Variants in SLC9A8 observed in about 807,000 individuals in gnomAD.
SLC9A8 encodes sodium/hydrogen exchanger 8.
In SLC9A8, 48 loss-of-function variants were observed where a neutral mutation model predicts 66.6. That is an observed-to-expected ratio of 0.72 (90% CI 0.57 to 0.92). The LOEUF is 0.92. Ranked by LOEUF, SLC9A8 falls within the 40% of genes least tolerant of loss-of-function variation. The probability of loss-of-function intolerance (pLI) is 0.00; values close to 1 mark genes in which losing one functional copy is unlikely to be tolerated. For synonymous variants in SLC9A8, 274 were observed against 282.6 expected, an observed-to-expected ratio of 0.97 and a Z score of 0.31; for missense variants, 599 against 747.3, an observed-to-expected ratio of 0.80 and a Z score of 2.31.
intron 3 of SLC9A8, chr20:49,830,603 G>A: frequency 1.6e-6 from 1 of 613,106 alleles, no homozygotes; most frequent in Admixed American, 2.9e-5. Context: ...GGAATCAGCA[G>A]CTTTCTAATC....
rs2089977230 is a variant in SLC9A8, at chr20:49,888,779, CT to C, written c.*844del. On this transcript the variant is annotated 3_prime_UTR_variant, in exon 16 of 16. Transcript: ENST00000361573. ...AGAGCCTCTAGTCGCCTCCTGCCATCTGATCTCCCTCCCCACCATTCCCGTA... is the reference window on the plus strand; with the variant it reads ...AGAGCCTCTAGTCGCCTCCTGCCATCGATCTCCCTCCCCACCATTCCCGTA... 1 of 152,494 alleles carries C rather than the reference CT, an allele frequency of 6.6e-6. No homozygotes were observed. The allele number at this position is 152,494 out of a possible 1,614,324, so 9.4% of individuals were successfully genotyped here. A position where few individuals can be genotyped will look rare whatever the true frequency, so the allele number is the denominator to read the frequency against.
intron 10 of SLC9A8, among the ~76,000 whole-genome samples, chr20:49,865,071 T>TAACCCGCCTTCTCTC (rs1246637933): frequency 1.3e-5 from 2 of 152,248 alleles, no homozygotes; most frequent in Non-Finnish European, 2.9e-5. Flanking sequence ...CATTTTCTCT[T>TAACCCGCCTTCTCTC]AACCCGCCTT....
At chr20:49,848,980 G>A (rs368394302) in intron 5 of SLC9A8, among the ~76,000 whole-genome samples, 8 of 152,312 alleles carry the variant, frequency 5.3e-5, no homozygotes, top group African/African-American at 1.9e-4. Context: ...ACATAAATAA[G>A]TGCAAAATTG....
intron 3 of SLC9A8, chr20:49,829,309 G>C (rs1402778758): frequency 6.5e-6 from 1 of 154,952 alleles, no homozygotes; most frequent in African/African-American, 2.4e-5. Context: ...CACGAGGTCA[G>C]GAGATTGAGA....
intron 10 of SLC9A8, among the ~76,000 whole-genome samples, chr20:49,870,388 C>T (rs536025264): frequency 2.6e-5 from 4 of 152,330 alleles, no homozygotes; most frequent in Admixed American, 6.5e-5. Flanking sequence ...CTGGAGGTGG[C>T]ACTGGAGCCC....
At chr20:49,855,788 GGA>G (rs2088453909) in intron 8 of SLC9A8, among the ~76,000 whole-genome samples, 1 of 152,036 alleles carries the variant, frequency 6.6e-6, no homozygotes. Flanking sequence ...GGTTAAAAGA[GGA>G]GAGTCCACCT....
At chr20:49,866,140 G>A (rs1197039108) in intron 10 of SLC9A8, among the ~76,000 whole-genome samples, 4 of 152,126 alleles carry the variant, frequency 2.6e-5, no homozygotes, top group Non-Finnish European at 4.4e-5. Flanking sequence ...CCTGAGCCCT[G>A]GCACCCACTG....
At chr20:49,877,209 G>A (rs2089458290) in intron 11 of SLC9A8, among the ~76,000 whole-genome samples, 2 of 151,746 alleles carry the variant, frequency 1.3e-5, no homozygotes, top group African/African-American at 2.4e-5. Context: ...CAGGAGAATT[G>A]CTTGAACCCA....
intron 3 of SLC9A8, among the ~76,000 whole-genome samples, chr20:49,827,931 T>C (rs1465159273): frequency 4.6e-5 from 7 of 152,110 alleles, no homozygotes; most frequent in African/African-American, 1.7e-4. Context: ...TTTAATTCTA[T>C]TCCTTCTTGT....
At chr20:49,824,869 G>A (rs2086860372) in intron 3 of SLC9A8, among the ~76,000 whole-genome samples, 1 of 152,160 alleles carries the variant, frequency 6.6e-6, no homozygotes, top group Non-Finnish European at 1.5e-5. Context: ...GGGTAGGGGC[G>A]GCAAGGCAGT....
intron 14 of SLC9A8, 161 bp downstream of exon 14, chr20:49,884,227 CACACA>C (rs1300934969): frequency 9.2e-6 from 2 of 216,446 alleles, no homozygotes; most frequent in Admixed American, 6.5e-5. Flanking sequence ...CACACACACA[CACACA>C]CACACACACG....
chr20:49,824,321 A>G (rs2086843657), intron 3 of SLC9A8, among the ~76,000 whole-genome samples: 1 of 152,224 alleles, frequency 6.6e-6, no homozygotes, highest in Non-Finnish European at 1.5e-5. Context: ...GTAGATTCTA[A>G]CAACCTTAGC....
At chr20:49,849,779 G>A (rs1049932854) in intron 6 of SLC9A8, 99 bp downstream of exon 6, 1 of 917,000 alleles carries the variant, frequency 1.1e-6, no homozygotes, top group Non-Finnish European at 1.8e-6. Flanking sequence ...TGGGGCCTGG[G>A]TTTCACCCTT....
rs2090040578 is a variant in SLC9A8 at position 49,891,402 on chromosome 20, G to C, written c.*3466G>C. ...TTCACGCCCTCCATCTCACAGTCAAGATAAAGGCCTCGAGAATAAAGAGCC... is the reference window on the plus strand; with the variant it reads ...TTCACGCCCTCCATCTCACAGTCAACATAAAGGCCTCGAGAATAAAGAGCC... On this transcript the variant is annotated 3_prime_UTR_variant, in exon 16 of 16. Coordinates refer to ENST00000361573, the MANE Select transcript of SLC9A8 (RefSeq NM_015266.3). The C allele has an allele frequency of 6.6e-6, 1 of 152,224 alleles. No individual in the cohort carries two copies. Among genetic ancestry groups the C allele is most frequent in the African/African-American group, 2.4e-5 (1 of 41,430 alleles). The allele number at this position is 152,224 out of a possible 1,614,324, so 9.4% of individuals were successfully genotyped here. A position where few individuals can be genotyped will look rare whatever the true frequency, so the allele number is the denominator to read the frequency against.
intron 2 of SLC9A8, among the ~76,000 whole-genome samples, chr20:49,819,017 G>A (rs1189883197): frequency 6.6e-6 from 1 of 152,190 alleles, no homozygotes; most frequent in Non-Finnish European, 1.5e-5. Context: ...ATTACAGTGT[G>A]TTCCTCTTTG....
At chr20:49,822,933 C>A in intron 2 of SLC9A8, 128 bp from the exon 3 acceptor site, 1 of 716,364 alleles carries the variant, frequency 1.4e-6, no homozygotes, top group African/African-American at 1.8e-5. Context: ...CGCTGAAGTT[C>A]ACTGTGTTAT....
Position 49,887,885 on chromosome 20 carries a change from G to A in SLC9A8, c.1695G>A (p.Glu565=), listed in dbSNP as rs1247383798. 1 of 1,613,630 alleles carries A rather than the reference G, an allele frequency of 6.2e-7. No homozygotes were observed. Among genetic ancestry groups the A allele is most frequent in the Non-Finnish European group, 8.5e-7 (1 of 1,179,858 alleles). ...CTCTCACCAACAAGTGGTACGAGGAGGTACGCCAGGGCCCCTCCGGCTCCG... is the reference window on the plus strand; with the variant it reads ...CTCTCACCAACAAGTGGTACGAGGAAGTACGCCAGGGCCCCTCCGGCTCCG... ...MKTLTNKWYE[E]VRQGPSGSED... is the part of the protein sequence containing the mutation. Residue 565 remains glutamate, a synonymous_variant, in exon 16 of 16, where the codon GAG becomes GAA. Transcript: ENST00000361573.
At chr20:49,829,542 A>C (rs1246246028) in intron 3 of SLC9A8, 9 of 289,894 alleles carry the variant, frequency 3.1e-5, no homozygotes, top group Non-Finnish European at 6.1e-5. Flanking sequence ...AAAGAACCTC[A>C]TGGAAAGAAA....
Position 49,849,635 on chromosome 20 carries a change from A to G in SLC9A8, c.489A>G (p.Ala163=), listed in dbSNP as rs767913141. 2 of 1,614,052 alleles carry G rather than the reference A, an allele frequency of 1.2e-6. No individual in the cohort carries two copies. The highest frequency in any genetic ancestry group is 1.7e-5 in the Admixed American group (1 of 60,024). Reference sequence around the variant, plus strand: ...CCCTGTTTGCTGTTTTTGGGACGGCAATCTCCGCTTTTGTAGTAGGTGGAG... The same window carrying G: ...CCCTGTTTGCTGTTTTTGGGACGGCGATCTCCGCTTTTGTAGTAGGTGGAG... The part of the protein sequence containing the change: ...SITLFAVFGT[A]ISAFVVGGGI... Residue 163 remains alanine (A), a synonymous_variant, in exon 6 of 16, where the codon GCA becomes GCG. Transcript: ENST00000361573.
Sources: allele counts gnomAD v4.1 joint callset (sites outside exome capture counted in the v4.1 genomes callset), GRCh38; gene constraint gnomAD v4.1.1; transcripts MANE v1.5; gene names NCBI Gene and HGNC (gene_info 2026-07-23, HGNC 2026-07-21).